The following TRPM7 variants were observed in gnomAD, a reference collection of about 807,000 sequenced individuals.
The protein encoded by TRPM7 is transient receptor potential cation channel subfamily M member 7, also known as LTRPC ion channel family member 7.
Under a neutral mutation model 229.7 loss-of-function variants are expected in TRPM7, and 134 were observed. That is an observed-to-expected ratio of 0.58 (90% CI 0.51 to 0.67). TRPM7 has a LOEUF of 0.67. Among genes scored for constraint, TRPM7 ranks in the 30% least tolerant of loss-of-function variants. TRPM7 has a pLI of 0.00. For missense variants in TRPM7, 1,901 were observed against 2,210.0 expected (o/e 0.86, Z 2.80); for synonymous variants, 699 against 715.2 (o/e 0.98, Z 0.36).
chr15:50,618,494 T>G (rs994509497), intron 13 of TRPM7, among the ~76,000 whole-genome samples: 3 of 151,756 alleles, frequency 2.0e-5, no homozygotes, highest in Non-Finnish European at 1.5e-5. Flanking sequence ...GGTGTGAACC[T>G]GGGAGGTGGA....
rs941807107 is a variant in TRPM7, at chr15:50,560,411, T to C, written c.*1267A>G. 1 of 152,524 alleles carries C rather than the reference T, an allele frequency of 6.6e-6. No individual in the cohort carries two copies. The highest frequency in any genetic ancestry group is 1.5e-5 in the Non-Finnish European group (1 of 68,010). The allele number at this position is 152,524 out of a possible 1,614,324, so 9.4% of individuals were successfully genotyped here. A position where few individuals can be genotyped will look rare whatever the true frequency, so the allele number is the denominator to read the frequency against. On this transcript the variant is annotated 3_prime_UTR_variant, in exon 39 of 39. Coordinates refer to ENST00000646667, the MANE Select transcript of TRPM7 (RefSeq NM_017672.6). ...CCCACCCCCAATCAATATTAAACACTATTTAAACAGCTTATCATCTCTTGC... is the reference window on the plus strand; with the variant it reads ...CCCACCCCCAATCAATATTAAACACCATTTAAACAGCTTATCATCTCTTGC...
chr15:50,611,423 C>A, intron 16 of TRPM7, 102 bp from the exon 17 acceptor site: 1 of 831,922 alleles, frequency 1.2e-6, no homozygotes, highest in Non-Finnish European at 1.9e-6. Context: ...AATATTCTCA[C>A]ACACACTTAC....
intron 12 of TRPM7, among the ~76,000 whole-genome samples, chr15:50,620,930 C>A (rs1034444538): frequency 8.7e-6 from 1 of 114,986 alleles, no homozygotes; most frequent in Non-Finnish European, 2.0e-5. Context: ...GAAACTCCAT[C>A]CCCCAAAAAA....
intron 36 of TRPM7, among the ~76,000 whole-genome samples, chr15:50,571,833 T>C (rs373249001): frequency 1.4e-4 from 21 of 152,358 alleles, no homozygotes; most frequent in Middle Eastern, 3.4e-3. Context: ...ACCGTGAACA[T>C]TGTTCAAATC....
At chr15:50,676,558 T>C (rs1362051396) in intron 1 of TRPM7, among the ~76,000 whole-genome samples, 1 of 151,738 alleles carries the variant, frequency 6.6e-6, no homozygotes, top group African/African-American at 2.4e-5. Context: ...ATCTCTATCG[T>C]TTAAATTTTT....
chr15:50,637,346 T>G (rs1243743940), intron 7 of TRPM7, 76 bp downstream of exon 7: 2 of 1,371,816 alleles, frequency 1.5e-6, no homozygotes, highest in Non-Finnish European at 2.0e-6. Flanking sequence ...TCAAAGAACA[T>G]TCTACTTTCT....
intron 5 of TRPM7, among the ~76,000 whole-genome samples, chr15:50,641,646 T>C (rs2061104053): frequency 6.6e-6 from 1 of 152,198 alleles, no homozygotes; most frequent in African/African-American, 2.4e-5. Context: ...GTAGATATTT[T>C]TACTGTTTAT....
At chr15:50,631,676 CAACCAAAA>C (rs1221060028) in intron 9 of TRPM7, among the ~76,000 whole-genome samples, 187 bp from the exon 10 acceptor site, 1 of 151,898 alleles carries the variant, frequency 6.6e-6, no homozygotes, top group South Asian at 2.1e-4. Context: ...AACTTTATTT[CAACCAAAA>C]AACCAAAAAA....
At chr15:50,639,324 A>T in intron 6 of TRPM7, 100 bp downstream of exon 6, 1 of 1,004,764 alleles carries the variant, frequency 1.0e-6, no homozygotes, top group Non-Finnish European at 1.3e-6. Context: ...TAATTTGAAA[A>T]GTATAATATA....
At position 50,619,731 on chromosome 15, in the gene TRPM7, AAAT is replaced by A; in HGVS notation, c.1494+11_1494+13del. The A allele has an allele frequency of 1.3e-6, 2 of 1,558,372 alleles. No homozygotes were observed. Among genetic ancestry groups the A allele is most frequent in the Non-Finnish European group, 1.7e-6 (2 of 1,159,726 alleles). ...TAAAATAACATTTTTCAAAAGCAAA[AAAT>A]AATCTCTTACCTGTTTGACGTCTCG... On this transcript the variant is annotated intron_variant, in intron 13 of 38. Transcript: ENST00000646667.
At chr15:50,684,764 C>T (rs2062321273) in intron 1 of TRPM7, among the ~76,000 whole-genome samples, 1 of 152,106 alleles carries the variant, frequency 6.6e-6, no homozygotes. Context: ...GGGTTTCTTT[C>T]AACAAATAAA....
chr15:50,631,569 A>C, intron 9 of TRPM7, 80 bp from the exon 10 acceptor site: 1 of 837,828 alleles, frequency 1.2e-6, no homozygotes, highest in African/African-American at 1.7e-5. Context: ...ATTTCAAACT[A>C]TATGGGGGGC....
intron 3 of TRPM7, among the ~76,000 whole-genome samples, chr15:50,650,135 G>A (rs1428941407): frequency 5.1e-5 from 7 of 138,056 alleles, no homozygotes; most frequent in African/African-American, 1.1e-4. Flanking sequence ...GCAGACCACA[G>A]TGAGCAGAGA....
At position 50,635,664 on chromosome 15, in the gene TRPM7, C is replaced by CAAA. The variant is rs765054880; in HGVS notation, c.833-1111_833-1109dup. On this transcript the variant is annotated intron_variant, in intron 7 of 38. Transcript: ENST00000646667. The stretch of plus-strand genomic sequence containing the variant: ...AGCAACAGAGCAAGACTCCATCTCC[C>CAAA]AAAAAAAAAAAAAAAAAAAAAAAAA... Among the ~76,000 whole-genome samples the CAAA allele has an allele frequency of 2.7e-3, 155 of 56,564 alleles. 9 individuals carry two copies. Among genetic ancestry groups the CAAA allele is most frequent in the African/African-American group, 7.7e-3 (145 of 18,954 alleles). The allele number at this position is 56,564 out of a possible 152,430, so 37.1% of individuals were successfully genotyped here.
At chr15:50,631,604 A>C (rs2060735123) in intron 9 of TRPM7, 115 bp from the exon 10 acceptor site, 1 of 554,946 alleles carries the variant, frequency 1.8e-6, no homozygotes, top group Non-Finnish European at 3.2e-6. Context: ...TGTATCTAGG[A>C]ATCTATGTAT....
rs186205493 is a variant in TRPM7, at chr15:50,603,201, G to C, written c.2988+1665C>G. On this transcript the variant is annotated intron_variant, in intron 21 of 38. Transcript: ENST00000646667. ...TGGAGGGAAACAGTGCAGCGTGAAAGTGCAAATATAATAATTTATATTTAG... is the reference window on the plus strand; with the variant it reads ...TGGAGGGAAACAGTGCAGCGTGAAACTGCAAATATAATAATTTATATTTAG... Among the ~76,000 whole-genome samples the C allele has an allele frequency of 2.7e-3, 414 of 152,258 alleles. 7 individuals are homozygous for C. Among genetic ancestry groups the C allele is most frequent in the Non-Finnish European group, 3.5e-3 (241 of 68,012 alleles).
intron 11 of TRPM7, among the ~76,000 whole-genome samples, chr15:50,626,306 G>C (rs1455400993): frequency 6.6e-6 from 1 of 151,784 alleles, no homozygotes; most frequent in African/African-American, 2.4e-5. Context: ...CACTTTAGTA[G>C]AATAAAAGGG....
intron 13 of TRPM7, among the ~76,000 whole-genome samples, chr15:50,617,291 C>T (rs2060251789): frequency 6.6e-6 from 1 of 150,566 alleles, no homozygotes; most frequent in African/African-American, 2.4e-5. Context: ...GCCAAAATCG[C>T]GCCAACTGCA....
intron 12 of TRPM7, among the ~76,000 whole-genome samples, chr15:50,620,367 C>A (rs1271270713): frequency 6.6e-6 from 1 of 150,982 alleles, no homozygotes; most frequent in East Asian, 1.9e-4. Flanking sequence ...TTATGTGTGG[C>A]CCAAGACAAT....
Sources: gnomAD v4.1 joint callset for allele counts (sites outside exome capture counted in the v4.1 genomes callset) on GRCh38, gnomAD v4.1.1 for gene constraint, MANE v1.5 for transcripts, NCBI Gene and HGNC (gene_info 2026-07-23, HGNC 2026-07-21) for gene names.